Variants in SDK1 observed in about 807,000 individuals in gnomAD.
SDK1 encodes sidekick cell adhesion molecule 1.
Under a neutral mutation model 245.5 loss-of-function variants are expected in SDK1, and 157 were observed. That is an observed-to-expected ratio of 0.64 (90% CI 0.56 to 0.73). The LOEUF is 0.73. Ranked by LOEUF, SDK1 falls within the 30% of genes least tolerant of loss-of-function variation. The pLI is 0.00. For synonymous variants in SDK1, 1,647 were observed against 1,278.5 expected (o/e 1.29, Z -6.15); for missense variants, 3,583 against 3,002.3 (o/e 1.19, Z -4.52).
intron 22 of SDK1, among the ~76,000 whole-genome samples, chr7:4,082,157 G>A (rs1781099986): frequency 1.3e-5 from 2 of 152,156 alleles, no homozygotes; most frequent in South Asian, 4.1e-4. Context: ...GGGGGCGTCT[G>A]GAATGGCAGG....
At chr7:4,027,501 C>T (rs1272733842) in intron 17 of SDK1, among the ~76,000 whole-genome samples, 1 of 152,094 alleles carries the variant, frequency 6.6e-6, no homozygotes, top group Non-Finnish European at 1.5e-5. Context: ...TCCACCTGGC[C>T]CAGGAGGGCC....
chr7:3,383,012 G>A (rs965022287), intron 1 of SDK1, among the ~76,000 whole-genome samples: 1 of 152,080 alleles, frequency 6.6e-6, no homozygotes, highest in Non-Finnish European at 1.5e-5. Context: ...GTATCAACCA[G>A]TGATATTACT....
intron 8 of SDK1, among the ~76,000 whole-genome samples, chr7:3,959,642 C>G (rs1781522379): frequency 1.3e-5 from 2 of 152,186 alleles, no homozygotes; most frequent in South Asian, 4.1e-4. Context: ...TGACTTAGCA[C>G]CCACTTATTA....
At chr7:3,861,559 C>A (rs10085400) in intron 5 of SDK1, among the ~76,000 whole-genome samples, 44,604 of 151,948 alleles carry the variant, frequency 0.29, 8,356 homozygotes, top group African/African-American at 0.53. Flanking sequence ...GGAGAAAGCA[C>A]GACTCATTTC....
intron 28 of SDK1, 53 bp downstream of exon 28, chr7:4,132,476 CCT>C (rs1784904650): frequency 6.3e-5 from 83 of 1,315,134 alleles, no homozygotes; most frequent in Non-Finnish European, 7.8e-5. Flanking sequence ...CATCCCAGCA[CCT>C]TGGGAGACCG....
In SDK1 at chr7:4,241,978, C is replaced by T. The variant is rs1314737931; in HGVS notation, c.6251+65C>T. On this transcript the variant is annotated intron_variant, in intron 43 of 44. Transcript: ENST00000404826. ...GAGCTGCCAGGGCTGGGGTGGCAGCCCACGCCCACTGGCACCTCCTGCATC... is the reference window on the plus strand; with the variant it reads ...GAGCTGCCAGGGCTGGGGTGGCAGCTCACGCCCACTGGCACCTCCTGCATC... 9 of 1,575,892 alleles carry T rather than the reference C, an allele frequency of 5.7e-6. No individual in the cohort carries two copies. The Admixed American group carries it at 1.0e-4, about 18-fold the overall frequency.
At chr7:3,421,158 G>T (rs2128580916) in intron 1 of SDK1, among the ~76,000 whole-genome samples, 2 of 142,050 alleles carry the variant, frequency 1.4e-5, no homozygotes, top group East Asian at 4.1e-4. Context: ...TGCAACATTT[G>T]CCTCCTGGGT....
At position 4,265,371 on chromosome 7, in the gene SDK1, C is replaced by A; in HGVS notation, c.6629C>A (p.Ser2210Tyr). Residue 2210 changes from serine (S) to tyrosine (Y), a missense_variant, in exon 45 of 45, where the codon TCC becomes TAC. By Grantham distance (144) the Ser-to-Tyr change is moderately radical. Transcript: ENST00000404826. Reference sequence around the variant, plus strand: ...GCGCGAACTCCGCTCACCGGCTTCTCCTCCTTCGTGTGAGCAAAGCGCCGC... The same window carrying A: ...GCGCGAACTCCGCTCACCGGCTTCTACTCCTTCGTGTGAGCAAAGCGCCGC... ...PGARTPLTGF[S>Y]SFV 1 of 1,445,496 alleles carries A rather than the reference C, an allele frequency of 6.9e-7. No homozygotes were observed. Among genetic ancestry groups the A allele is most frequent in the Non-Finnish European group, 9.0e-7 (1 of 1,112,024 alleles). 89.5% of individuals were successfully genotyped at this position (1,445,496 alleles called of 1,614,324 possible).
chr7:4,178,328 C>T (rs547248793), intron 34 of SDK1, among the ~76,000 whole-genome samples, 157 bp from the exon 35 acceptor site: 17 of 152,124 alleles, frequency 1.1e-4, no homozygotes, highest in South Asian at 4.1e-4. Flanking sequence ...GAGGGTGCCC[C>T]GGTCACAGTG....
chr7:3,726,518 G>C (rs1010629540), intron 4 of SDK1, among the ~76,000 whole-genome samples: 2 of 152,156 alleles, frequency 1.3e-5, no homozygotes, highest in African/African-American at 4.8e-5. Flanking sequence ...TATTTTGTTA[G>C]CACTTTCTAA....
chr7:3,964,131 C>G (rs1158856426), intron 9 of SDK1, among the ~76,000 whole-genome samples: 2 of 152,244 alleles, frequency 1.3e-5, no homozygotes, highest in Non-Finnish European at 2.9e-5. Context: ...ATGTACTACA[C>G]ACAGAAAATG....
chr7:3,875,462 T>C (rs1021973424), intron 5 of SDK1, among the ~76,000 whole-genome samples: 1 of 152,192 alleles, frequency 6.6e-6, no homozygotes, highest in Non-Finnish European at 1.5e-5. Context: ...AACTGTTTAG[T>C]CCCACATAGA....
intron 4 of SDK1, among the ~76,000 whole-genome samples, chr7:3,709,351 A>T (rs968183140): frequency 6.6e-6 from 1 of 152,166 alleles, no homozygotes; most frequent in African/African-American, 2.4e-5. Flanking sequence ...CATGCTGGAG[A>T]CTGGGCATGC....
intron 35 of SDK1, among the ~76,000 whole-genome samples, chr7:4,183,703 C>G (rs76172558): frequency 0.013 from 2,005 of 151,710 alleles, 99 homozygotes; most frequent in East Asian, 0.11. Context: ...TTCTCCCATA[C>G]TCCTAATCTC....
At chr7:4,100,685 C>T (rs578213216) in intron 22 of SDK1, among the ~76,000 whole-genome samples, 2 of 152,218 alleles carry the variant, frequency 1.3e-5, no homozygotes, top group African/African-American at 4.8e-5. Flanking sequence ...TCAGTCCCAG[C>T]GCTGTGAGGA....
chr7:3,480,322 G>C (rs555469839), intron 1 of SDK1, among the ~76,000 whole-genome samples: 11 of 152,304 alleles, frequency 7.2e-5, no homozygotes, highest in African/African-American at 2.6e-4. Context: ...ATGGAGCCGC[G>C]AGGCCATGAA....
At chr7:3,577,175 C>G (rs1780321177) in intron 1 of SDK1, among the ~76,000 whole-genome samples, 1 of 152,064 alleles carries the variant, frequency 6.6e-6, no homozygotes, top group South Asian at 2.1e-4. Context: ...TCTGGAATCG[C>G]AGACCTACTG....
chr7:4,028,196 T>C (rs1787508552), intron 17 of SDK1, among the ~76,000 whole-genome samples: 1 of 152,170 alleles, frequency 6.6e-6, no homozygotes, highest in African/African-American at 2.4e-5. Context: ...TCTTACCATA[T>C]GTGTTTCGAC....
At chr7:3,960,159 C>T (rs1781570170) in intron 8 of SDK1, among the ~76,000 whole-genome samples, 1 of 152,208 alleles carries the variant, frequency 6.6e-6, no homozygotes, top group South Asian at 2.1e-4. Flanking sequence ...CACTGTACCA[C>T]AGGAAAACCA....
Sources: gnomAD v4.1 joint callset for allele counts (sites outside exome capture counted in the v4.1 genomes callset) on GRCh38, gnomAD v4.1.1 for gene constraint, MANE v1.5 for transcripts, NCBI Gene and HGNC (gene_info 2026-07-23, HGNC 2026-07-21) for gene names.